MET: variants seen among roughly 807,000 people sequenced by gnomAD.
MET encodes hepatocyte growth factor receptor.
A neutral mutation model predicts 133.1 loss-of-function variants in MET; 48 were observed. The ratio of observed to expected loss-of-function variants is 0.36; its 90% CI spans 0.29 to 0.46. The LOEUF is 0.46. Ranked by LOEUF, MET falls within the 20% of genes least tolerant of loss-of-function variation. MET has a pLI of 1.00. For missense variants in MET, 1,442 were observed against 1,695.9 expected (o/e 0.85, Z 2.63); for synonymous variants, 628 against 616.5 (o/e 1.02, Z -0.28).
At chr7:116,696,513 G>C (rs528898413) in intron 1 of MET, among the ~76,000 whole-genome samples, 9 of 152,254 alleles carry the variant, frequency 5.9e-5, no homozygotes, top group African/African-American at 2.2e-4. Context: ...CAACAAACGG[G>C]TTCCATGTGG....
chr7:116,740,192 C>A lies in MET; in HGVS notation c.1527+108C>A, dbSNP rs185274324. 31 of 1,257,066 alleles carry A rather than the reference C, an allele frequency of 2.5e-5. No homozygotes were observed. In the Admixed American group the frequency reaches 4.9e-4, roughly 20 times the overall value. 77.9% of individuals were successfully genotyped at this position (1,257,066 alleles called of 1,614,324 possible). ...AATGTCTCTCTTCATCTTAAATTTA[C>A]CCCTCCTCCATTAAGTTCTTTAGTG... On this transcript the variant is annotated intron_variant, in intron 4 of 20. Transcript: ENST00000397752.
At chr7:116,674,085 T>C (rs531765851) in intron 1 of MET, among the ~76,000 whole-genome samples, 1 of 152,248 alleles carries the variant, frequency 6.6e-6, no homozygotes, top group South Asian at 2.1e-4. Context: ...AACTTAAATA[T>C]ATTTTGCTTT....
chr7:116,710,289 T>C (rs896377607), intron 2 of MET, among the ~76,000 whole-genome samples: 1 of 152,184 alleles, frequency 6.6e-6, no homozygotes, highest in African/African-American at 2.4e-5. Context: ...AATATATAAG[T>C]AGTAGTTTAA....
At chr7:116,685,333 G>A (rs1001444582) in intron 1 of MET, among the ~76,000 whole-genome samples, 10 of 152,154 alleles carry the variant, frequency 6.6e-5, no homozygotes, top group Admixed American at 2.0e-4. Flanking sequence ...CCTTAACCCC[G>A]GGACTCAAAC....
chr7:116,797,323 G>C lies in MET; in HGVS notation c.*1199G>C, dbSNP rs181818408. On this transcript the variant is annotated 3_prime_UTR_variant, in exon 21 of 21. Transcript: ENST00000397752. ...TAGGTAGAGCAAAGAAAGGGTGGATGGATTGAAAAGATTAGCCTCTGTCTC... is the reference window on the plus strand; with the variant it reads ...TAGGTAGAGCAAAGAAAGGGTGGATCGATTGAAAAGATTAGCCTCTGTCTC... 4.4e-6 allele frequency: 1 copy of C among 226,810 alleles called. No homozygotes were observed. The highest frequency in any genetic ancestry group is 2.2e-5 in the African/African-American group (1 of 44,886). The allele number at this position is 226,810 out of a possible 1,614,324, so 14.0% of individuals were successfully genotyped here.
intron 2 of MET, 32 bp downstream of exon 2, chr7:116,700,316 G>C (rs775636278): frequency 3.1e-6 from 5 of 1,588,068 alleles, no homozygotes; most frequent in Non-Finnish European, 4.3e-6. Context: ...CTTATAAACT[G>C]TGAGGTATAA....
At chr7:116,767,709 C>G (rs1459262751) in intron 11 of MET, among the ~76,000 whole-genome samples, 3 of 151,598 alleles carry the variant, frequency 2.0e-5, no homozygotes, top group African/African-American at 7.3e-5. Flanking sequence ...TGAAATCACC[C>G]TGAAGCAGTT....
At chr7:116,683,274 T>C (rs1358056439) in intron 1 of MET, among the ~76,000 whole-genome samples, 1 of 152,212 alleles carries the variant, frequency 6.6e-6, no homozygotes, top group African/African-American at 2.4e-5. Context: ...TAGGTTCTCA[T>C]CGTTTAGCTC....
intron 1 of MET, among the ~76,000 whole-genome samples, chr7:116,697,719 C>G (rs1797012829): frequency 6.6e-6 from 1 of 152,182 alleles, no homozygotes; most frequent in African/African-American, 2.4e-5. Flanking sequence ...TGTCCTTGCT[C>G]TCCTGGACCT....
At chr7:116,698,696 G>T (rs1364881839) in intron 1 of MET, among the ~76,000 whole-genome samples, 5 of 152,196 alleles carry the variant, frequency 3.3e-5, no homozygotes, top group Non-Finnish European at 5.9e-5. Flanking sequence ...TATCAACCTA[G>T]TCATTAACCA....
chr7:116,782,142 G>A, intron 18 of MET, 45 bp downstream of exon 18: 1 of 1,327,646 alleles, frequency 7.5e-7, no homozygotes. Context: ...TAAGTGACAA[G>A]GAGGAATCTG....
intron 5 of MET, among the ~76,000 whole-genome samples, chr7:116,751,148 A>G (rs1378132900): frequency 6.6e-6 from 1 of 152,234 alleles, no homozygotes; most frequent in Non-Finnish European, 1.5e-5. Context: ...CACTACTCAC[A>G]ATAGCAAAGA....
intron 1 of MET, among the ~76,000 whole-genome samples, chr7:116,675,381 A>T (rs537057221): frequency 2.0e-5 from 3 of 152,346 alleles, no homozygotes; most frequent in Non-Finnish European, 4.4e-5. Flanking sequence ...TCACATGAGA[A>T]ACGCTTTCAA....
chr7:116,775,212 T>C (rs1401700111), intron 15 of MET, 101 bp downstream of exon 15: 10 of 1,026,418 alleles, frequency 9.7e-6, no homozygotes, highest in Admixed American at 1.9e-5. Flanking sequence ...TGAAAGCAAC[T>C]GACAGAGCAG....
intron 1 of MET, among the ~76,000 whole-genome samples, chr7:116,678,882 C>T (rs1026927243): frequency 2.6e-5 from 4 of 152,082 alleles, no homozygotes; most frequent in Admixed American, 2.6e-4. Flanking sequence ...TCCAAGAGAT[C>T]TCTAAAATTG....
chr7:116,721,300 G>A (rs1792474031), intron 2 of MET, among the ~76,000 whole-genome samples: 1 of 152,150 alleles, frequency 6.6e-6, no homozygotes, highest in Non-Finnish European at 1.5e-5. Context: ...TTCTCTGATG[G>A]TAGTTTGTAT....
At chr7:116,681,031 G>C (rs997042787) in intron 1 of MET, among the ~76,000 whole-genome samples, 1 of 152,024 alleles carries the variant, frequency 6.6e-6, no homozygotes, top group Non-Finnish European at 1.5e-5. Context: ...GAAATGGTGG[G>C]AAAATTTAGA....
chr7:116,749,572 C>T (rs533070003), intron 5 of MET, among the ~76,000 whole-genome samples: 6 of 152,274 alleles, frequency 3.9e-5, no homozygotes, highest in East Asian at 1.9e-4. Flanking sequence ...CCTCTCTCAC[C>T]GCTCCTATTC....
rs141256603 is a variant in MET, at chr7:116,715,873, C to T, written c.1200+15589C>T. Among the ~76,000 whole-genome samples the T allele has an allele frequency of 1.8e-3, 272 of 152,202 alleles. 1 individual carries two copies. The highest frequency in any genetic ancestry group is 6.8e-3 in the Middle Eastern group (2 of 294). ...CATTACACTAAAAAGTTGTAGAAGT[C>T]GGCTTAAGGAAGAAGATTCTAAAAT... On this transcript the variant is annotated intron_variant, in intron 2 of 20. Transcript: ENST00000397752.
Sources: gnomAD v4.1 joint callset for allele counts (sites outside exome capture counted in the v4.1 genomes callset) on GRCh38, gnomAD v4.1.1 for gene constraint, MANE v1.5 for transcripts, NCBI Gene and HGNC (gene_info 2026-07-23, HGNC 2026-07-21) for gene names.